The following DLG2 variants were observed in gnomAD, a reference collection of about 807,000 sequenced individuals.
DLG2 encodes the protein disks large homolog 2.
A neutral mutation model predicts 132.5 loss-of-function variants in DLG2; 45 were observed. The ratio of observed to expected loss-of-function variants is 0.34; its 90% CI spans 0.27 to 0.44. DLG2 has a LOEUF of 0.44. DLG2 is among the 20% of genes least tolerant of loss of function. DLG2 has a pLI of 1.00. For missense variants in DLG2, 1,045 were observed against 1,196.9 expected (o/e 0.87, Z 1.87); for synonymous variants, 424 against 419.6 (o/e 1.01, Z -0.13).
chr11:84,598,147 T>A (rs1393102619), intron 6 of DLG2, among the ~76,000 whole-genome samples: 1 of 152,192 alleles, frequency 6.6e-6, no homozygotes, highest in East Asian at 1.9e-4. Flanking sequence ...TGTTTTGCAC[T>A]GGGCCTCACT....
chr11:84,316,903 G>C (rs1291051183), intron 7 of DLG2: 1 of 1,612,852 alleles, frequency 6.2e-7, no homozygotes. Context: ...TCGTCTTGTG[G>C]GGGCTTTTCC....
intron 19 of DLG2, among the ~76,000 whole-genome samples, chr11:83,625,464 G>A (rs2062357215): frequency 6.6e-6 from 1 of 152,186 alleles, no homozygotes; most frequent in Admixed American, 6.5e-5. Context: ...TGACCAGAGT[G>A]TCTTACCTGC....
intron 16 of DLG2, among the ~76,000 whole-genome samples, chr11:83,866,662 T>C (rs2062443661): frequency 6.6e-6 from 1 of 152,190 alleles, no homozygotes; most frequent in Non-Finnish European, 1.5e-5. Context: ...ACCCATTTAT[T>C]AAAACTTTAA....
intron 6 of DLG2, among the ~76,000 whole-genome samples, chr11:84,596,412 G>C (rs1016515437): frequency 6.7e-6 from 1 of 149,694 alleles, no homozygotes; most frequent in African/African-American, 2.5e-5. Flanking sequence ...TAGTAGAGAC[G>C]GGGTTTCGAC....
chr11:84,475,460 G>T (rs1316067652), intron 7 of DLG2, among the ~76,000 whole-genome samples: 1 of 152,088 alleles, frequency 6.6e-6, no homozygotes, highest in Non-Finnish European at 1.5e-5. Flanking sequence ...AGGGTGATTT[G>T]TGTCTCAGGG....
intron 19 of DLG2, among the ~76,000 whole-genome samples, chr11:83,622,321 T>C (rs192803847): frequency 3.0e-4 from 46 of 152,324 alleles, no homozygotes; most frequent in Admixed American, 1.3e-3. Context: ...CATTGTGTGA[T>C]AGGCACTTCA....
At chr11:84,731,411 C>T (rs1002926102) in intron 6 of DLG2, among the ~76,000 whole-genome samples, 1 of 151,980 alleles carries the variant, frequency 6.6e-6, no homozygotes, top group East Asian at 1.9e-4. Context: ...AGGAGAGCTA[C>T]ATGGCTCTAT....
At chr11:85,502,371 T>A (rs1157919286) in intron 3 of DLG2, among the ~76,000 whole-genome samples, 1 of 151,132 alleles carries the variant, frequency 6.6e-6, no homozygotes, top group East Asian at 2.0e-4. Context: ...TGTATACCTG[T>A]GTAACAAAAC....
At chr11:85,126,205 C>A (rs1173105266) in intron 5 of DLG2, among the ~76,000 whole-genome samples, 1 of 152,132 alleles carries the variant, frequency 6.6e-6, no homozygotes, top group African/African-American at 2.4e-5. Context: ...AAAAGATGGT[C>A]TCGTCCATGT....
chr11:84,944,510 G>C (rs1372827756), intron 6 of DLG2, among the ~76,000 whole-genome samples: 1 of 151,122 alleles, frequency 6.6e-6, no homozygotes, highest in Non-Finnish European at 1.5e-5. Flanking sequence ...CAGTTCCGCT[G>C]TTGAGAGACT....
At chr11:85,385,001 A>G (rs1388495865) in intron 3 of DLG2, among the ~76,000 whole-genome samples, 4 of 152,232 alleles carry the variant, frequency 2.6e-5, no homozygotes, top group African/African-American at 9.6e-5. Context: ...TGGGAGCTCA[A>G]TAGATGTGGA....
At chr11:85,250,332 C>A (rs2076337149) in intron 4 of DLG2, among the ~76,000 whole-genome samples, 1 of 152,070 alleles carries the variant, frequency 6.6e-6, no homozygotes, top group South Asian at 2.1e-4. Flanking sequence ...GCTATGTCAC[C>A]CACTGCTCTA....
At chr11:83,768,095 A>G (rs1331213059) in intron 18 of DLG2, among the ~76,000 whole-genome samples, 1 of 152,196 alleles carries the variant, frequency 6.6e-6, no homozygotes, top group Non-Finnish European at 1.5e-5. Flanking sequence ...GAGATAATGC[A>G]CATTTACTGA....
intron 11 of DLG2, among the ~76,000 whole-genome samples, chr11:84,008,455 T>C (rs1378355523): frequency 1.3e-5 from 2 of 151,950 alleles, no homozygotes; most frequent in East Asian, 1.9e-4. Flanking sequence ...GGAGTTTTGG[T>C]AATTTTGGTA....
At chr11:85,058,506 G>A (rs950713285) in intron 6 of DLG2, among the ~76,000 whole-genome samples, 10 of 151,394 alleles carry the variant, frequency 6.6e-5, no homozygotes, top group Middle Eastern at 3.4e-3. Context: ...AACCAAAATC[G>A]CATAAAGGAC....
chr11:85,127,850 G>C (rs1423909195), intron 5 of DLG2, among the ~76,000 whole-genome samples: 1 of 152,062 alleles, frequency 6.6e-6, no homozygotes, highest in Non-Finnish European at 1.5e-5. Flanking sequence ...CTTACAAAAG[G>C]ACAAGATGCC....
chr11:84,758,598 C>A (rs1213835755), intron 6 of DLG2, among the ~76,000 whole-genome samples: 3 of 152,084 alleles, frequency 2.0e-5, no homozygotes, highest in Non-Finnish European at 4.4e-5. Context: ...TCCCCTAGGC[C>A]ACCTCAGGGA....
At chr11:85,290,034 G>A (rs1169794044) in intron 3 of DLG2, among the ~76,000 whole-genome samples, 1 of 152,072 alleles carries the variant, frequency 6.6e-6, no homozygotes, top group African/African-American at 2.4e-5. Flanking sequence ...ATATTCTCTA[G>A]TATCTAGCAT....
chr11:84,375,159 C>A (rs1019704998), intron 7 of DLG2, among the ~76,000 whole-genome samples: 2 of 152,168 alleles, frequency 1.3e-5, no homozygotes, highest in Non-Finnish European at 2.9e-5. Flanking sequence ...CATTATAACA[C>A]TTTTCATAGT....
Sources: gnomAD v4.1 joint callset for allele counts (sites outside exome capture counted in the v4.1 genomes callset) on GRCh38, gnomAD v4.1.1 for gene constraint, MANE v1.5 for transcripts, NCBI Gene and HGNC (gene_info 2026-07-23, HGNC 2026-07-21) for gene names.